PCDHGB1: variants seen among roughly 807,000 people sequenced by gnomAD.
PCDHGB1 encodes the protein protocadherin gamma-B1.
In PCDHGB1, 34 loss-of-function variants were observed where a neutral mutation model predicts 56.6. The observed-to-expected ratio is 0.60, with a 90% CI of 0.46 to 0.80. The LOEUF (loss-of-function observed/expected upper bound fraction) is 0.80. PCDHGB1 is among the 30% of genes least tolerant of loss of function. The probability of loss-of-function intolerance (pLI) is 0.00; values close to 1 mark genes in which losing one functional copy is unlikely to be tolerated. For missense variants in PCDHGB1, 1,278 were observed against 1,204.6 expected (o/e 1.06, Z -0.90); for synonymous variants, 561 against 505.9 (o/e 1.11, Z -1.46).
At position 141,491,796 on chromosome 5, in the gene PCDHGB1, C is replaced by T. The variant is rs1487915203; in HGVS notation, c.2410-3011C>T. The stretch of plus-strand genomic sequence containing the variant: ...GATTGAACTTGCATCCACTCCTCTC[C>T]GGCCGGCTTGGTCGCTGGCTGCGCT... On this transcript the variant is annotated intron_variant, in intron 1 of 3. Transcript: ENST00000523390. The surrounding 1 kb of genome is among the most constrained non-coding windows in gnomAD (Gnocchi z 6.9). 6.6e-7 allele frequency: 1 copy of T among 1,509,866 alleles called. No homozygotes were observed. The highest frequency in any genetic ancestry group is 2.4e-5 in the Admixed American group (1 of 42,218). The allele number at this position is 1,509,866 out of a possible 1,614,324, so 93.5% of individuals were successfully genotyped here. A position where few individuals can be genotyped will look rare whatever the true frequency, so the allele number is the denominator to read the frequency against.
At chr5:141,404,807 G>A (rs1226563047) in intron 1 of PCDHGB1, 1 of 1,613,924 alleles carries the variant, frequency 6.2e-7, no homozygotes, top group Non-Finnish European at 8.5e-7. Flanking sequence ...GCTCTTCTCG[G>A]TGGGGCTGCA....
chr5:141,364,997 T>A, intron 1 of PCDHGB1: 1 of 1,613,852 alleles, frequency 6.2e-7, no homozygotes. Context: ...CCCGGTACTC[T>A]CCGGCACCAC....
intron 1 of PCDHGB1, chr5:141,433,315 TCCGGTGTAACAGGGACTA>T: frequency 1.2e-6 from 1 of 856,086 alleles, no homozygotes; most frequent in Non-Finnish European, 1.8e-6. Flanking sequence ...CACCTTTGCC[TCCGGTGTAACAGGGACTA>T]CAGGTGCAAG....
intron 1 of PCDHGB1, among the ~76,000 whole-genome samples, chr5:141,406,261 C>T (rs2154537343): frequency 6.6e-6 from 1 of 152,132 alleles, no homozygotes; most frequent in African/African-American, 2.4e-5. Flanking sequence ...CTCAAACGAT[C>T]TTCCTGCTTC....
In PCDHGB1 at chr5:141,476,853, A is replaced by G; in HGVS notation, c.2410-17954A>G. ...AATGACAATGCGCCTGTCTTCAACCAGTCCTTGTACCGGGCGCGCGTCCTG... is the reference window on the plus strand; with the variant it reads ...AATGACAATGCGCCTGTCTTCAACCGGTCCTTGTACCGGGCGCGCGTCCTG... On this transcript the variant is annotated intron_variant, in intron 1 of 3. Coordinates refer to ENST00000523390, the MANE Select transcript of PCDHGB1 (RefSeq NM_018922.3). This position sits in a 1 kb window ranked among gnomAD's most constrained non-coding sequence, Gnocchi z 7.6. The G allele has an allele frequency of 6.2e-7, 1 of 1,613,870 alleles. No individual in the cohort carries two copies. Among genetic ancestry groups the G allele is most frequent in the Non-Finnish European group, 8.5e-7 (1 of 1,180,042 alleles).
Position 141,370,976 on chromosome 5 carries a change from A to G in PCDHGB1, c.2409+18307A>G, listed in dbSNP as rs985937700. ...TGGATGGCAGTAGGTACCCAGAGCT[A>G]GTACTGAAAGCACCCCTGGACAGGG... On this transcript the variant is annotated intron_variant, in intron 1 of 3. Coordinates refer to ENST00000523390, the MANE Select transcript of PCDHGB1 (RefSeq NM_018922.3). The G allele has an allele frequency of 5.0e-6, 8 of 1,613,914 alleles. No homozygotes were observed. The Admixed American group carries it at 1.0e-4, about 20-fold the overall frequency.
intron 1 of PCDHGB1, chr5:141,398,705 A>G (rs778909536): frequency 6.2e-7 from 1 of 1,613,874 alleles, no homozygotes; most frequent in Admixed American, 1.7e-5. Flanking sequence ...AAATACCCGG[A>G]ACTGGCACTG....
chr5:141,398,740 C>T, intron 1 of PCDHGB1: 1 of 1,613,864 alleles, frequency 6.2e-7, no homozygotes, highest in Non-Finnish European at 8.5e-7. Flanking sequence ...CCGGGAACAA[C>T]AGAGTTACCA....
intron 1 of PCDHGB1, chr5:141,355,945 G>A: frequency 1.2e-6 from 2 of 1,613,848 alleles, no homozygotes; most frequent in East Asian, 4.5e-5. Flanking sequence ...CGAGTACCAC[G>A]TAAGTGTTCG....
rs143939286 is a variant in PCDHGB1 at position 141,427,522 on chromosome 5, T to C, written c.2410-67285T>C. 6.1e-3 allele frequency: 3,716 copies of C among 607,796 alleles called. 27 individuals are homozygous for C. The highest frequency in any genetic ancestry group is 8.8e-3 in the Non-Finnish European group (2,868 of 324,656). The allele number at this position is 607,796 out of a possible 1,614,324, so 37.7% of individuals were successfully genotyped here. A position where few individuals can be genotyped will look rare whatever the true frequency, so the allele number is the denominator to read the frequency against. On this transcript the variant is annotated intron_variant, in intron 1 of 3. Transcript: ENST00000523390. ...GATGGGACCCTGGATTGGGAGCGGATCCCGGAGTACAACGTCACCATCACT... is the reference window on the plus strand; with the variant it reads ...GATGGGACCCTGGATTGGGAGCGGACCCCGGAGTACAACGTCACCATCACT...
chr5:141,372,177 G>T (rs1768466663), intron 1 of PCDHGB1: 1 of 1,613,730 alleles, frequency 6.2e-7, no homozygotes, highest in African/African-American at 1.3e-5. Flanking sequence ...GGTGGCGGTG[G>T]ACGCAGACTC....
At chr5:141,497,818 G>T (rs2099779657) in intron 2 of PCDHGB1, among the ~76,000 whole-genome samples, 1 of 152,194 alleles carries the variant, frequency 6.6e-6, no homozygotes, top group African/African-American at 2.4e-5. Context: ...AGAATTACAG[G>T]TGTGATCGCC....
intron 1 of PCDHGB1, among the ~76,000 whole-genome samples, chr5:141,373,077 A>C (rs1216533246): frequency 6.6e-6 from 1 of 152,210 alleles, no homozygotes; most frequent in Non-Finnish European, 1.5e-5. Flanking sequence ...TTAATACAGT[A>C]TTATCTCACA....
intron 1 of PCDHGB1, chr5:141,356,888 T>C: frequency 6.2e-7 from 1 of 1,614,236 alleles, no homozygotes; most frequent in Non-Finnish European, 8.5e-7. Context: ...CCTGAGATCC[T>C]GTACCCCACC....
At chr5:141,370,619 T>C (rs760864223) in intron 1 of PCDHGB1, 1 of 1,613,966 alleles carries the variant, frequency 6.2e-7, no homozygotes, top group Non-Finnish European at 8.5e-7. Context: ...AGAAATTCTT[T>C]ACCGTGAGCC....
chr5:141,394,588 T>C, intron 1 of PCDHGB1: 5 of 1,613,660 alleles, frequency 3.1e-6, no homozygotes, highest in Non-Finnish European at 4.2e-6. Flanking sequence ...ACCAAGGTGG[T>C]GGCGGTGGAC....
chr5:141,384,600 C>T, intron 1 of PCDHGB1: 1 of 1,614,248 alleles, frequency 6.2e-7, no homozygotes, highest in Non-Finnish European at 8.5e-7. Flanking sequence ...ACCCGGCCCT[C>T]CCCACAGATG....
At chr5:141,419,928 T>G in intron 1 of PCDHGB1, 1 of 1,614,084 alleles carries the variant, frequency 6.2e-7, no homozygotes, top group South Asian at 1.1e-5. Flanking sequence ...GAGATGCAGT[T>G]TTACCTGGTG....
chr5:141,425,348 A>C (rs2096869744), intron 1 of PCDHGB1, among the ~76,000 whole-genome samples: 1 of 152,242 alleles, frequency 6.6e-6, no homozygotes, highest in Non-Finnish European at 1.5e-5. Context: ...GTTGGCTTTG[A>C]AATGTGATAT....
Sources: allele counts gnomAD v4.1 joint callset (sites outside exome capture counted in the v4.1 genomes callset), GRCh38; gene constraint gnomAD v4.1.1; non-coding constraint Gnocchi (gnomAD v3.1); transcripts MANE v1.5; gene names NCBI Gene and HGNC (gene_info 2026-07-23, HGNC 2026-07-21).